Variants in KIAA1217 observed in about 807,000 individuals in gnomAD.
KIAA1217 encodes KIAA1217, also known as sickle tail protein homolog.
Under a neutral mutation model 163.9 loss-of-function variants are expected in KIAA1217, and 88 were observed. The ratio of observed to expected loss-of-function variants is 0.54; its 90% CI spans 0.45 to 0.64. The LOEUF is 0.64. Ranked by LOEUF, KIAA1217 falls within the 30% of genes least tolerant of loss-of-function variation. The pLI, the probability that KIAA1217 is intolerant of heterozygous loss-of-function variation, is 0.00. For missense variants in KIAA1217, 2,372 were observed against 2,475.0 expected, an observed-to-expected ratio of 0.96 and a Z score of 0.88; for synonymous variants, 903 against 923.1, an observed-to-expected ratio of 0.98 and a Z score of 0.39.
At chr10:24,203,005 C>T (rs149824045) in intron 2 of KIAA1217, among the ~76,000 whole-genome samples, 1 of 152,162 alleles carries the variant, frequency 6.6e-6, no homozygotes, top group Non-Finnish European at 1.5e-5. Context: ...GCCTGAGCAA[C>T]ATAGTGAGAC....
At chr10:24,130,687 T>C (rs905361981) in intron 2 of KIAA1217, among the ~76,000 whole-genome samples, 9 of 152,206 alleles carry the variant, frequency 5.9e-5, no homozygotes, top group African/African-American at 2.2e-4. Context: ...ATAATGCCGA[T>C]TGGAATTACC....
intron 1 of KIAA1217, among the ~76,000 whole-genome samples, chr10:23,832,112 T>TTCTC (rs1388687426): frequency 6.6e-6 from 1 of 152,134 alleles, no homozygotes; most frequent in Non-Finnish European, 1.5e-5. Flanking sequence ...CCCACAAGAC[T>TTCTC]TCTCTCCGCC....
chr10:23,968,787 T>G (rs1201436422), intron 1 of KIAA1217, among the ~76,000 whole-genome samples: 1 of 152,252 alleles, frequency 6.6e-6, no homozygotes, highest in Non-Finnish European at 1.5e-5. Context: ...TCATCCATTA[T>G]GTAGCAAGTA....
chr10:24,320,353 T>C (rs1444497801), intron 2 of KIAA1217, among the ~76,000 whole-genome samples: 1 of 152,246 alleles, frequency 6.6e-6, no homozygotes, highest in Non-Finnish European at 1.5e-5. Flanking sequence ...CTGATGCTGA[T>C]TACTTTCTCC....
intron 2 of KIAA1217, among the ~76,000 whole-genome samples, chr10:24,077,880 A>G (rs1371256046): frequency 6.6e-6 from 1 of 152,206 alleles, no homozygotes; most frequent in African/African-American, 2.4e-5. Flanking sequence ...TATAATAGCC[A>G]TTCTGACTGG....
At chr10:23,810,903 T>C (rs1836995113) in intron 1 of KIAA1217, among the ~76,000 whole-genome samples, 1 of 122,500 alleles carries the variant, frequency 8.2e-6, no homozygotes, top group African/African-American at 3.3e-5. Flanking sequence ...ATAGTATATA[T>C]ACTCTATATA....
chr10:24,354,434 A>G (rs1474926270), intron 2 of KIAA1217, among the ~76,000 whole-genome samples: 2 of 152,308 alleles, frequency 1.3e-5, no homozygotes, highest in Non-Finnish European at 2.9e-5. Context: ...CAACTCTCAA[A>G]GCTGCAGTGG....
At chr10:23,909,355 T>TA (rs1302835070) in intron 1 of KIAA1217, among the ~76,000 whole-genome samples, 4 of 150,526 alleles carry the variant, frequency 2.7e-5, no homozygotes, top group East Asian at 1.9e-4. Flanking sequence ...CCATTGGAAA[T>TA]AAAAAAAATT....
intron 2 of KIAA1217, among the ~76,000 whole-genome samples, chr10:24,088,549 G>A (rs1415962638): frequency 8.7e-6 from 1 of 115,590 alleles, no homozygotes; most frequent in African/African-American, 2.6e-5. Flanking sequence ...TGCGGTGTTT[G>A]GTTTTTTGTC....
intron 2 of KIAA1217, among the ~76,000 whole-genome samples, chr10:24,184,042 A>G (rs1173733305): frequency 6.6e-6 from 1 of 152,222 alleles, no homozygotes; most frequent in Non-Finnish European, 1.5e-5. Flanking sequence ...CTCACACTTT[A>G]AACAGCACCA....
At chr10:23,762,598 G>C (rs1481574242) in intron 1 of KIAA1217, among the ~76,000 whole-genome samples, 2 of 152,074 alleles carry the variant, frequency 1.3e-5, no homozygotes, top group Non-Finnish European at 2.9e-5. Flanking sequence ...CAACAAAATA[G>C]GTATAGATGG....
intron 2 of KIAA1217, among the ~76,000 whole-genome samples, chr10:24,303,904 A>G (rs1246944739): frequency 2.0e-5 from 3 of 152,208 alleles, no homozygotes. Context: ...CATAATCTGT[A>G]AAAGCAGAAA....
At chr10:24,292,891 G>T (rs1426044839) in intron 2 of KIAA1217, among the ~76,000 whole-genome samples, 1 of 152,064 alleles carries the variant, frequency 6.6e-6, no homozygotes, top group Non-Finnish European at 1.5e-5. Context: ...AAGAAAGGTG[G>T]CCTGAAATAT....
chr10:24,149,880 A>G (rs1300664443), intron 2 of KIAA1217, among the ~76,000 whole-genome samples: 3 of 152,234 alleles, frequency 2.0e-5, no homozygotes, highest in Non-Finnish European at 4.4e-5. Flanking sequence ...TGCAACTATT[A>G]TATAGCAAGT....
intron 2 of KIAA1217, among the ~76,000 whole-genome samples, chr10:24,372,502 C>A (rs1285140376): frequency 6.6e-6 from 1 of 151,690 alleles, no homozygotes; most frequent in African/African-American, 2.4e-5. Context: ...TTCAGTTTAT[C>A]AAAAAAAATA....
At chr10:23,854,968 A>G (rs1472470173) in intron 1 of KIAA1217, among the ~76,000 whole-genome samples, 2 of 152,200 alleles carry the variant, frequency 1.3e-5, no homozygotes, top group Non-Finnish European at 2.9e-5. Flanking sequence ...CTCTTTGTCC[A>G]ATTTGCCAGT....
At chr10:24,334,438 T>TGGTA in intron 2 of KIAA1217, among the ~76,000 whole-genome samples, 1 of 82,286 alleles carries the variant, frequency 1.2e-5, no homozygotes, top group East Asian at 3.7e-4. Context: ...GAGGGAAGGA[T>TGGTA]GGAAGGAAGG....
chr10:24,296,236 T>G (rs1406066379), intron 2 of KIAA1217, among the ~76,000 whole-genome samples: 2 of 152,198 alleles, frequency 1.3e-5, no homozygotes, highest in African/African-American at 4.8e-5. Context: ...CCTGAATAGT[T>G]GGCCTTACAG....
At chr10:24,297,884 C>G (rs1310511938) in intron 2 of KIAA1217, among the ~76,000 whole-genome samples, 1 of 151,552 alleles carries the variant, frequency 6.6e-6, no homozygotes. Flanking sequence ...AGTAGGGGAA[C>G]AAAGTGAAAG....
Sources: allele counts gnomAD v4.1 joint callset (sites outside exome capture counted in the v4.1 genomes callset), GRCh38; gene constraint gnomAD v4.1.1; transcripts MANE v1.5; gene names NCBI Gene and HGNC (gene_info 2026-07-23, HGNC 2026-07-21).